Variants in ZDHHC7 observed in about 807,000 individuals in gnomAD.
ZDHHC7 encodes the protein zDHHC palmitoyltransferase 7.
ZDHHC7 carries 12 observed loss-of-function variants against 34.1 expected under a neutral mutation model. The ratio of observed to expected loss-of-function variants is 0.35; its 90% CI spans 0.23 to 0.57. The LOEUF (loss-of-function observed/expected upper bound fraction) is 0.57, where lower values mean the gene tolerates loss of function less well. Among genes scored for constraint, ZDHHC7 ranks in the 20% least tolerant of loss-of-function variants. The pLI, the probability that ZDHHC7 is intolerant of heterozygous loss-of-function variation, is 0.84. For missense variants in ZDHHC7, 388 were observed against 402.7 expected (o/e 0.96, Z 0.31); for synonymous variants, 185 against 155.4 (o/e 1.19, Z -1.42).
intron 1 of ZDHHC7, among the ~76,000 whole-genome samples, chr16:85,006,829 T>C (rs1005843389): frequency 6.6e-6 from 1 of 152,266 alleles, no homozygotes; most frequent in East Asian, 1.9e-4. Context: ...TCTCCCAACC[T>C]TTCCAGGCTC....
intron 4 of ZDHHC7, 116 bp from the exon 5 acceptor site, chr16:84,979,401 CA>C (rs1277084536): frequency 1.5e-6 from 2 of 1,346,042 alleles, no homozygotes; most frequent in African/African-American, 1.5e-5. Flanking sequence ...TACAACATGT[CA>C]AAAAATATCA....
rs887492502 is a variant in ZDHHC7 at position 84,974,227 on chromosome 16, T to TAA, written c.*2114_*2115dup. ...TTTCAACGTGCACTAAAAAAAGGAC[T>TAA]AAGTAAAACGATGGGAGTCGAATTA... On this transcript the variant is annotated 3_prime_UTR_variant, in exon 8 of 8. Transcript: ENST00000313732. The TAA allele has an allele frequency of 6.6e-6, 1 of 152,242 alleles. No individual in the cohort carries two copies. The highest frequency in any genetic ancestry group is 1.5e-5 in the Non-Finnish European group (1 of 68,038). 9.4% of individuals were successfully genotyped at this position (152,242 alleles called of 1,614,324 possible). A position where few individuals can be genotyped will look rare whatever the true frequency, so the allele number is the denominator to read the frequency against.
chr16:85,025,284 C>G, the ZDHHC7 span, among the ~76,000 whole-genome samples: 1 of 151,670 alleles, frequency 6.6e-6, no homozygotes, highest in African/African-American at 2.4e-5. Flanking sequence ...AAAAAAAGAG[C>G]CTAATCTGAG....
chr16:84,993,772 C>A (rs889239785), intron 2 of ZDHHC7, among the ~76,000 whole-genome samples: 2 of 152,208 alleles, frequency 1.3e-5, no homozygotes, highest in Non-Finnish European at 2.9e-5. Flanking sequence ...TCTGAACCTA[C>A]ATCTTCTGCA....
intron 1 of ZDHHC7, among the ~76,000 whole-genome samples, chr16:85,009,634 G>T (rs1247956971): frequency 6.6e-6 from 1 of 151,404 alleles, no homozygotes; most frequent in East Asian, 1.9e-4. Flanking sequence ...TTGCAATTTA[G>T]TTAATATTTC....
At chr16:84,996,712 C>T (rs1175017635) in intron 1 of ZDHHC7, among the ~76,000 whole-genome samples, 1 of 152,118 alleles carries the variant, frequency 6.6e-6, no homozygotes, top group Non-Finnish European at 1.5e-5. Flanking sequence ...GTTCCAAGTG[C>T]TTGTCGTAGC....
chr16:84,990,693 A>G, intron 2 of ZDHHC7, 58 bp from the exon 3 acceptor site: 1 of 1,427,726 alleles, frequency 7.0e-7, no homozygotes. Context: ...AGCTACCTTA[A>G]ATATGATGTG....
chr16:85,006,766 A>G lies in ZDHHC7; in HGVS notation c.-104+4520T>C, dbSNP rs188075792. Among the ~76,000 whole-genome samples, 91 of 152,174 alleles carry G rather than the reference A, an allele frequency of 6.0e-4. 1 individual carries two copies. The highest frequency in any genetic ancestry group is 2.1e-3 in the African/African-American group (88 of 41,542). On this transcript the variant is annotated intron_variant, in intron 1 of 7. Coordinates refer to ENST00000313732, the MANE Select transcript of ZDHHC7 (RefSeq NM_017740.3). ...AATAGTAATAATAAAAAATTAAATA[A>G]AACAAAACCACAGCACAGGTCACAA...
At position 84,985,799 on chromosome 16, in the gene ZDHHC7, AC is replaced by A. The variant is rs565046842; in HGVS notation, c.316-3806del. On this transcript the variant is annotated intron_variant, in intron 3 of 7. Transcript: ENST00000313732. ...ATGAAACCCCATCTCTACTAAAAAT[AC>A]AAAAACTAGCCGGGCATGGTGGCAC... Among the ~76,000 whole-genome samples, 70 of 152,130 alleles carry A rather than the reference AC, an allele frequency of 4.6e-4. No individual in the cohort carries two copies. The East Asian group carries it at 0.013, about 29-fold the overall frequency.
At chr16:84,979,118 T>A (rs1330538967) in intron 5 of ZDHHC7, 71 bp downstream of exon 5, 1 of 1,456,750 alleles carries the variant, frequency 6.9e-7, no homozygotes, top group African/African-American at 1.4e-5. Flanking sequence ...TAGATTTCTC[T>A]GCTCCAGGCA....
At chr16:84,990,956 G>A (rs1044817992) in intron 2 of ZDHHC7, among the ~76,000 whole-genome samples, 7 of 152,144 alleles carry the variant, frequency 4.6e-5, no homozygotes, top group African/African-American at 1.7e-4. Flanking sequence ...CCCCGGCAGC[G>A]TGGAGAGGAG....
At chr16:85,014,670 G>C (rs2072827020), upstream of ZDHHC7, among the ~76,000 whole-genome samples, 1 of 152,172 alleles carries the variant, frequency 6.6e-6, no homozygotes, top group Admixed American at 6.5e-5. Context: ...GACAAATTTA[G>C]AGGGTACTGT....
chr16:84,983,592 C>T (rs536554546), intron 3 of ZDHHC7, among the ~76,000 whole-genome samples: 5 of 152,126 alleles, frequency 3.3e-5, no homozygotes, highest in African/African-American at 7.2e-5. Flanking sequence ...GTCCCATGGC[C>T]GCAATATGGG....
upstream of ZDHHC7, among the ~76,000 whole-genome samples, chr16:85,012,933 A>C (rs1028169521): frequency 1.3e-5 from 2 of 152,004 alleles, no homozygotes; most frequent in Non-Finnish European, 2.9e-5. Context: ...AAAAACCAGA[A>C]TATATCACCG....
At chr16:84,989,484 T>G (rs1421883966) in intron 3 of ZDHHC7, among the ~76,000 whole-genome samples, 1 of 152,034 alleles carries the variant, frequency 6.6e-6, no homozygotes, top group Non-Finnish European at 1.5e-5. Flanking sequence ...TCACCTGAGG[T>G]CAGGAGTTCA....
intron 2 of ZDHHC7, among the ~76,000 whole-genome samples, chr16:84,992,154 T>TA (rs1387741912): frequency 8.3e-6 from 1 of 119,892 alleles, no homozygotes. Context: ...GGACTCAGTC[T>TA]CAAAAAAAAA....
chr16:85,000,097 G>A (rs973616673), intron 1 of ZDHHC7, among the ~76,000 whole-genome samples: 1 of 151,940 alleles, frequency 6.6e-6, no homozygotes, highest in African/African-American at 2.4e-5. Flanking sequence ...CTGTGTTTGT[G>A]CCACTGCACT....
intron 3 of ZDHHC7, among the ~76,000 whole-genome samples, chr16:84,989,331 G>A (rs1309867180): frequency 6.6e-6 from 1 of 152,206 alleles, no homozygotes; most frequent in Non-Finnish European, 1.5e-5. Flanking sequence ...AATTAATTCA[G>A]ATAAAGCAAA....
intron 3 of ZDHHC7, among the ~76,000 whole-genome samples, chr16:84,983,509 C>G (rs892676655): frequency 3.9e-5 from 6 of 152,226 alleles, no homozygotes; most frequent in Middle Eastern, 3.4e-3. Context: ...GGCAGGGGGG[C>G]CCCAGGGCAA....
Sources: allele counts gnomAD v4.1 joint callset (sites outside exome capture counted in the v4.1 genomes callset), GRCh38; gene constraint gnomAD v4.1.1; transcripts MANE v1.5; gene names NCBI Gene and HGNC (gene_info 2026-07-23, HGNC 2026-07-21).